Variants in TMEM132D observed in about 807,000 individuals in gnomAD.
TMEM132D encodes mature OL transmembrane protein.
Under a neutral mutation model 62.3 loss-of-function variants are expected in TMEM132D, and 21 were observed. The ratio of observed to expected loss-of-function variants is 0.34; its 90% CI spans 0.24 to 0.49. TMEM132D has a LOEUF of 0.49. TMEM132D is among the 20% of genes least tolerant of loss of function. TMEM132D has a pLI of 0.99. For synonymous variants in TMEM132D, 621 were observed against 575.6 expected, an observed-to-expected ratio of 1.08 and a Z score of -1.13; for missense variants, 1,346 against 1,402.8, an observed-to-expected ratio of 0.96 and a Z score of 0.65.
chr12:129,690,788 A>G (rs772340522), intron 2 of TMEM132D, among the ~76,000 whole-genome samples: 6 of 152,150 alleles, frequency 3.9e-5, no homozygotes, highest in Non-Finnish European at 8.8e-5. Flanking sequence ...GATAGATCAA[A>G]CAGGCAGAAA....
intron 4 of TMEM132D, among the ~76,000 whole-genome samples, chr12:129,219,830 C>T (rs1879304645): frequency 6.6e-6 from 1 of 152,140 alleles, no homozygotes; most frequent in Admixed American, 6.5e-5. Context: ...GATCAAGGCT[C>T]CACATGCCCT....
chr12:129,691,464 A>G (rs537523931), intron 2 of TMEM132D, among the ~76,000 whole-genome samples: 1 of 152,086 alleles, frequency 6.6e-6, no homozygotes, highest in Admixed American at 6.5e-5. Context: ...AGGGAAGACA[A>G]AAATTACCAA....
intron 1 of TMEM132D, among the ~76,000 whole-genome samples, chr12:129,784,464 T>C (rs960177513): frequency 1.3e-5 from 2 of 152,240 alleles, no homozygotes; most frequent in African/African-American, 4.8e-5. Flanking sequence ...TTTTTCAGAC[T>C]TATTTATTCT....
intron 4 of TMEM132D, among the ~76,000 whole-genome samples, chr12:129,314,950 G>A (rs993797006): frequency 1.4e-4 from 21 of 152,060 alleles, no homozygotes; most frequent in African/African-American, 4.8e-4. Context: ...CCACTTGGTT[G>A]CTGTTGGTGT....
intron 1 of TMEM132D, among the ~76,000 whole-genome samples, chr12:129,702,979 G>A (rs1413907762): frequency 1.3e-5 from 2 of 152,168 alleles, no homozygotes; most frequent in African/African-American, 4.8e-5. Context: ...CGGGACTAAG[G>A]AAGATGGGCC....
At chr12:129,178,342 A>G (rs1186707694) in intron 5 of TMEM132D, among the ~76,000 whole-genome samples, 1 of 151,918 alleles carries the variant, frequency 6.6e-6, no homozygotes, top group Non-Finnish European at 1.5e-5. Flanking sequence ...TTGAGGAATC[A>G]CCGCACTGTC....
At chr12:129,374,266 C>T (rs1325308529) in intron 3 of TMEM132D, among the ~76,000 whole-genome samples, 2 of 40,872 alleles carry the variant, frequency 4.9e-5, no homozygotes, top group African/African-American at 2.1e-4. Flanking sequence ...TAACCTCACA[C>T]ATCAGAGAGA....
chr12:129,363,692 G>T (rs1287362677), intron 3 of TMEM132D, among the ~76,000 whole-genome samples: 1 of 152,156 alleles, frequency 6.6e-6, no homozygotes, highest in African/African-American at 2.4e-5. Flanking sequence ...ATACATAATT[G>T]TGTTTCGGCC....
intron 5 of TMEM132D, among the ~76,000 whole-genome samples, chr12:129,189,579 G>A (rs10847790): frequency 0.27 from 40,671 of 152,002 alleles, 6,427 homozygotes; most frequent in East Asian, 0.53. Flanking sequence ...CAGGGTGCGT[G>A]AGGTCCATCC....
At chr12:129,563,560 C>A (rs534265330) in intron 2 of TMEM132D, among the ~76,000 whole-genome samples, 1 of 152,122 alleles carries the variant, frequency 6.6e-6, no homozygotes, top group African/African-American at 2.4e-5. Context: ...AGAGATGTGT[C>A]TGTTTCTGGT....
chr12:129,625,548 A>G (rs1415360747), intron 2 of TMEM132D, among the ~76,000 whole-genome samples: 1 of 152,152 alleles, frequency 6.6e-6, no homozygotes, highest in Non-Finnish European at 1.5e-5. Flanking sequence ...CCCCAATACG[A>G]GACACTTTCA....
chr12:129,082,013 C>T lies in TMEM132D; in HGVS notation c.1669G>A (p.Glu557Lys). The T allele has an allele frequency of 6.2e-7, 1 of 1,608,886 alleles. No homozygotes were observed. The highest frequency in any genetic ancestry group is 8.5e-7 in the Non-Finnish European group (1 of 1,176,472). Residue 557 changes from glutamate (E) to lysine (K), a missense_variant, in exon 7 of 9, where the codon GAG becomes AAG. Coordinates refer to ENST00000422113, the MANE Select transcript of TMEM132D (RefSeq NM_133448.3). The part of the protein sequence containing the change: ...SSRRPAGDSE[E>K]EEDDERRGRG... The stretch of plus-strand genomic sequence containing the variant: ...CCCCTCCGCTCATCATCCTCCTCCT[C>T]TTCACTGTCCCCGGCAGGCCTGTGA...
intron 5 of TMEM132D, among the ~76,000 whole-genome samples, chr12:129,147,757 C>T (rs1876953590): frequency 6.6e-6 from 1 of 152,212 alleles, no homozygotes; most frequent in African/African-American, 2.4e-5. Flanking sequence ...AAGGTGTTGG[C>T]TGCTATGTCC....
At chr12:129,272,281 C>T (rs932170041) in intron 4 of TMEM132D, among the ~76,000 whole-genome samples, 2 of 151,824 alleles carry the variant, frequency 1.3e-5, no homozygotes, top group Non-Finnish European at 2.9e-5. Flanking sequence ...ACATTTTAGA[C>T]AGATCAGTAA....
intron 3 of TMEM132D, among the ~76,000 whole-genome samples, chr12:129,358,998 A>G (rs1870163788): frequency 1.3e-5 from 2 of 152,006 alleles, no homozygotes; most frequent in Non-Finnish European, 2.9e-5. Flanking sequence ...TATTCACAGT[A>G]TCATAGTAGC....
intron 5 of TMEM132D, among the ~76,000 whole-genome samples, chr12:129,136,792 T>A (rs1270504667): frequency 1.1e-5 from 1 of 91,040 alleles, no homozygotes; most frequent in Non-Finnish European, 2.3e-5. Context: ...ATCATCACCA[T>A]CACCATCATC....
At chr12:129,539,441 G>C (rs1477536454) in intron 2 of TMEM132D, among the ~76,000 whole-genome samples, 3 of 131,076 alleles carry the variant, frequency 2.3e-5, no homozygotes, top group Non-Finnish European at 4.7e-5. Flanking sequence ...GTCTCACTCT[G>C]TCACCCAGAC....
chr12:129,889,782 C>T (rs1010059006), intron 1 of TMEM132D, among the ~76,000 whole-genome samples: 3 of 152,140 alleles, frequency 2.0e-5, no homozygotes, highest in Admixed American at 6.5e-5. Flanking sequence ...AAAAAAGGAA[C>T]AGTTCTTCCT....
chr12:129,594,789 C>T lies in TMEM132D; in HGVS notation c.969-63584G>A, dbSNP rs116563328. On this transcript the variant is annotated intron_variant, in intron 2 of 8. Transcript: ENST00000422113. ...CTATCATCCACGGACTCCCCCTCCC[C>T]TCTCTAATGTGGCCTCTGTACATAG... Among the ~76,000 whole-genome samples, 779 of 152,320 alleles carry T rather than the reference C, an allele frequency of 5.1e-3. 6 individuals carry two copies. Among genetic ancestry groups the T allele is most frequent in the African/African-American group, 0.018 (743 of 41,568 alleles).
Sources: allele counts gnomAD v4.1 joint callset (sites outside exome capture counted in the v4.1 genomes callset), GRCh38; gene constraint gnomAD v4.1.1; transcripts MANE v1.5; gene names NCBI Gene and HGNC (gene_info 2026-07-23, HGNC 2026-07-21).